The following RAPGEF5 variants were observed in gnomAD, a reference collection of about 807,000 sequenced individuals.
The protein encoded by RAPGEF5 is M-Ras-regulated GEF.
In RAPGEF5, 65 loss-of-function variants were observed where a neutral mutation model predicts 125.2. The ratio of observed to expected loss-of-function variants is 0.52; its 90% CI spans 0.43 to 0.64. RAPGEF5 has a LOEUF of 0.64. RAPGEF5 is among the 30% of genes least tolerant of loss of function. RAPGEF5 has a pLI of 0.00. For missense variants in RAPGEF5, 958 were observed against 1,048.1 expected (o/e 0.91, Z 1.19); for synonymous variants, 391 against 385.9 (o/e 1.01, Z -0.16).
At chr7:22,155,840 T>C (rs1192273783) in intron 16 of RAPGEF5, among the ~76,000 whole-genome samples, 1 of 152,208 alleles carries the variant, frequency 6.6e-6, no homozygotes, top group East Asian at 1.9e-4. Context: ...TCTTGCTAAA[T>C]AAACTGATAA....
In RAPGEF5 at chr7:22,119,502, G is replaced by A; in HGVS notation, c.*2904C>T. 6.6e-6 allele frequency: 1 copy of A among 152,192 alleles called. No homozygotes were observed. The highest frequency in any genetic ancestry group is 2.4e-5 in the African/African-American group (1 of 41,454). 9.4% of individuals were successfully genotyped at this position (152,192 alleles called of 1,614,324 possible). A position where few individuals can be genotyped will look rare whatever the true frequency, so the allele number is the denominator to read the frequency against. On this transcript the variant is annotated 3_prime_UTR_variant, in exon 26 of 26. Transcript: ENST00000665637. This position sits in a 1 kb window ranked among gnomAD's most constrained non-coding sequence, Gnocchi z 4.1. ...CTAGGGAACACCTGCAAATGTGTAT[G>A]TAAAACAAAATTTTTTTTAATAGCA... is the stretch of plus-strand genomic sequence containing the variant.
At chr7:22,295,834 G>C (rs564588585) in intron 5 of RAPGEF5, among the ~76,000 whole-genome samples, 20 of 152,102 alleles carry the variant, frequency 1.3e-4, no homozygotes, top group Admixed American at 1.2e-3. Context: ...ATCTAATTAG[G>C]AAAAGTAAAG....
intron 6 of RAPGEF5, among the ~76,000 whole-genome samples, chr7:22,287,474 T>TA (rs1562509370): frequency 2.0e-5 from 3 of 152,162 alleles, no homozygotes; most frequent in Admixed American, 6.5e-5. Context: ...TTTTCTAAGA[T>TA]AGTCACATGC....
intron 6 of RAPGEF5, among the ~76,000 whole-genome samples, chr7:22,268,655 T>C (rs1009026699): frequency 1.3e-5 from 2 of 152,194 alleles, no homozygotes; most frequent in African/African-American, 4.8e-5. Flanking sequence ...AACCCCACTG[T>C]GGCACACACA....
chr7:22,150,416 C>T lies in RAPGEF5; in HGVS notation c.1875G>A (p.Ala625=), dbSNP rs377381557. Residue 625 remains alanine, a synonymous_variant, in exon 18 of 26, where the codon GCG becomes GCA. Coordinates refer to ENST00000665637, the MANE Select transcript of RAPGEF5 (RefSeq NM_012294.5). ...GGCTGAAGGTCCTTACCAAAGTGTC[C>T]GCCAGGTCTTTCCGGTAGACATATA... ...GRIYVYRKDL[A]DTLNPFAENE... is the part of the protein sequence containing the mutation. 8.1e-5 allele frequency: 131 copies of T among 1,608,894 alleles called. No homozygotes were observed. The African/African-American group carries it at 1.4e-3, about 17-fold the overall frequency.
At chr7:22,223,413 G>T (rs963621462) in intron 8 of RAPGEF5, among the ~76,000 whole-genome samples, 9 of 152,172 alleles carry the variant, frequency 5.9e-5, no homozygotes, top group Non-Finnish European at 1.2e-4. Flanking sequence ...CTTTATTAAC[G>T]TGAGTTCAAC....
In RAPGEF5 at chr7:22,119,937, G is replaced by C. The variant is rs1317366405; in HGVS notation, c.*2469C>G. The C allele has an allele frequency of 6.6e-6, 1 of 152,160 alleles. No individual in the cohort carries two copies. Among genetic ancestry groups the C allele is most frequent in the African/African-American group, 2.4e-5 (1 of 41,442 alleles). The allele number at this position is 152,160 out of a possible 1,614,324, so 9.4% of individuals were successfully genotyped here. A position where few individuals can be genotyped will look rare whatever the true frequency, so the allele number is the denominator to read the frequency against. ...GAACAGCTCAGATTCCTTAGAAAGA[G>C]CTTTCTGTTGAGTAATATCTGGTTC... On this transcript the variant is annotated 3_prime_UTR_variant, in exon 26 of 26. Transcript: ENST00000665637. This position sits in a 1 kb window ranked among gnomAD's most constrained non-coding sequence, Gnocchi z 4.1.
chr7:22,245,765 G>C (rs1419735484), intron 7 of RAPGEF5, among the ~76,000 whole-genome samples: 2 of 152,140 alleles, frequency 1.3e-5, no homozygotes, highest in Non-Finnish European at 2.9e-5. Flanking sequence ...CAAGCAATCA[G>C]GAAAGAGAAA....
intron 7 of RAPGEF5, among the ~76,000 whole-genome samples, chr7:22,261,485 G>A (rs1782154097): frequency 6.6e-6 from 1 of 152,138 alleles, no homozygotes; most frequent in African/African-American, 2.4e-5. Flanking sequence ...GCACATGCCT[G>A]CATGTAGCCC....
chr7:22,246,860 A>C (rs561336189), intron 7 of RAPGEF5, among the ~76,000 whole-genome samples: 91 of 152,366 alleles, frequency 6.0e-4, no homozygotes, highest in Middle Eastern at 6.8e-3. Flanking sequence ...AGAATCTATA[A>C]GGAACTTAAA....
chr7:22,241,476 CT>C (rs1459307706), intron 7 of RAPGEF5, among the ~76,000 whole-genome samples: 1 of 152,164 alleles, frequency 6.6e-6, no homozygotes, highest in African/African-American at 2.4e-5. Flanking sequence ...AAAACCTATC[CT>C]GCTAGAATTT....
intron 9 of RAPGEF5, among the ~76,000 whole-genome samples, chr7:22,194,972 G>T (rs538929180): frequency 5.6e-4 from 86 of 152,322 alleles, no homozygotes; most frequent in Middle Eastern, 3.4e-3. Flanking sequence ...GGAACTATAA[G>T]ATGCATGTCC....
At chr7:22,200,645 C>T (rs962062208) in intron 9 of RAPGEF5, among the ~76,000 whole-genome samples, 4 of 152,102 alleles carry the variant, frequency 2.6e-5, no homozygotes, top group Admixed American at 6.6e-5. Flanking sequence ...ATATTTATTA[C>T]GGAACTTGAC....
Position 22,319,417 on chromosome 7 carries a change from C to T in RAPGEF5, c.232-1380G>A, listed in dbSNP as rs187987192. On this transcript the variant is annotated intron_variant, in intron 1 of 25. Coordinates refer to ENST00000665637, the MANE Select transcript of RAPGEF5 (RefSeq NM_012294.5). Reference sequence around the variant, plus strand: ...CCCAGGCCACATGGCCCTCACATTACTCCTAATTAAACTAAAATAAAATGT... The same window carrying T: ...CCCAGGCCACATGGCCCTCACATTATTCCTAATTAAACTAAAATAAAATGT... 2.8e-4 allele frequency among the ~76,000 whole-genome samples: 43 copies of T among 152,328 alleles called. No individual in the cohort carries two copies. In the East Asian group the frequency reaches 6.4e-3, roughly 23 times the overall value.
At chr7:22,314,242 G>A (rs1218431755) in intron 3 of RAPGEF5, among the ~76,000 whole-genome samples, 1 of 152,194 alleles carries the variant, frequency 6.6e-6, no homozygotes, top group Admixed American at 6.5e-5. Context: ...ACTGGCTGAA[G>A]AGAAGCAGGA....
intron 8 of RAPGEF5, among the ~76,000 whole-genome samples, chr7:22,228,766 G>C (rs1172917795): frequency 6.6e-6 from 1 of 151,114 alleles, no homozygotes; most frequent in Non-Finnish European, 1.5e-5. Flanking sequence ...ACCTGCCTTG[G>C]CCTCCCAAAG....
At chr7:22,191,735 G>A in intron 11 of RAPGEF5, 1 of 460,010 alleles carries the variant, frequency 2.2e-6, no homozygotes, top group African/African-American at 2.0e-5. Context: ...ACAATAATAA[G>A]GGTGATTTGT....
chr7:22,211,308 A>G (rs950881022), intron 9 of RAPGEF5, among the ~76,000 whole-genome samples: 4 of 152,208 alleles, frequency 2.6e-5, no homozygotes, highest in Admixed American at 6.5e-5. Context: ...CTGAATCAAT[A>G]TGAGGCAAAT....
chr7:22,289,622 G>A (rs147681576), intron 6 of RAPGEF5, among the ~76,000 whole-genome samples: 6 of 143,284 alleles, frequency 4.2e-5, no homozygotes, highest in South Asian at 2.1e-4. Context: ...ATTTTAAACC[G>A]AAAAGTTCTA....
Sources: gnomAD v4.1 joint callset for allele counts (sites outside exome capture counted in the v4.1 genomes callset) on GRCh38, gnomAD v4.1.1 for gene constraint, Gnocchi (gnomAD v3.1) non-coding constraint, MANE v1.5 for transcripts, NCBI Gene and HGNC (gene_info 2026-07-23, HGNC 2026-07-21) for gene names.